The following PDE3B variants were observed in gnomAD, a reference collection of about 807,000 sequenced individuals.
PDE3B encodes cGMP-inhibited 3',5'-cyclic phosphodiesterase 3B.
Under a neutral mutation model 116.8 loss-of-function variants are expected in PDE3B, and 66 were observed. That is an observed-to-expected ratio of 0.56 (90% CI 0.46 to 0.69). The LOEUF (loss-of-function observed/expected upper bound fraction) is 0.69, where lower values mean the gene tolerates loss of function less well. Ranked by LOEUF, PDE3B falls within the 30% of genes least tolerant of loss-of-function variation. The probability of loss-of-function intolerance (pLI) is 0.00; values close to 1 mark genes in which losing one functional copy is unlikely to be tolerated. For missense variants in PDE3B, 1,384 were observed against 1,368.1 expected (o/e 1.01, Z -0.18); for synonymous variants, 595 against 533.6 (o/e 1.12, Z -1.59).
chr11:14,775,532 A>G (rs1249433839), intron 2 of PDE3B: 1 of 152,000 alleles, frequency 6.6e-6, no homozygotes, highest in African/African-American at 2.4e-5. Flanking sequence ...TTTTGTCTGT[A>G]TATATAATTT....
At chr11:14,715,086 A>C (rs902298846) in intron 1 of PDE3B, among the ~76,000 whole-genome samples, 10 of 152,198 alleles carry the variant, frequency 6.6e-5, no homozygotes, top group African/African-American at 2.4e-4. Context: ...GAATGATAGG[A>C]AATGATCTAT....
intron 1 of PDE3B, among the ~76,000 whole-genome samples, chr11:14,688,144 C>CTCT (rs1854938554): frequency 5.1e-5 from 4 of 78,116 alleles, no homozygotes; most frequent in African/African-American, 1.2e-4. Context: ...TCTCTCTCTC[C>CTCT]CTCCCTCCCT....
At chr11:14,755,860 A>G (rs980962899) in intron 1 of PDE3B, among the ~76,000 whole-genome samples, 3 of 152,212 alleles carry the variant, frequency 2.0e-5, no homozygotes, top group Admixed American at 6.5e-5. Context: ...AAAGTTTGCT[A>G]ACTGTGAGCT....
At chr11:14,780,446 A>G (rs913309605) in intron 2 of PDE3B, among the ~76,000 whole-genome samples, 2 of 152,242 alleles carry the variant, frequency 1.3e-5, no homozygotes, top group African/African-American at 4.8e-5. Context: ...GTAAAAGAAC[A>G]GAAATTATAA....
chr11:14,832,114 C>T (rs550255542), intron 9 of PDE3B, among the ~76,000 whole-genome samples: 1 of 152,014 alleles, frequency 6.6e-6, no homozygotes, highest in Admixed American at 6.6e-5. Flanking sequence ...TCATTTTTTT[C>T]ACCTGCACTC....
At chr11:14,767,877 TA>T (rs1857539607) in intron 1 of PDE3B, among the ~76,000 whole-genome samples, 1 of 151,382 alleles carries the variant, frequency 6.6e-6, no homozygotes, top group Non-Finnish European at 1.5e-5. Flanking sequence ...TTTAAAATTT[TA>T]TGTTTTTAAA....
intron 1 of PDE3B, among the ~76,000 whole-genome samples, chr11:14,687,654 A>G (rs1020908113): frequency 1.3e-5 from 2 of 152,190 alleles, no homozygotes; most frequent in African/African-American, 2.4e-5. Flanking sequence ...CAACTGACCC[A>G]TAATTTGAGA....
At chr11:14,733,279 C>A (rs764342407) in intron 1 of PDE3B, among the ~76,000 whole-genome samples, 3 of 152,112 alleles carry the variant, frequency 2.0e-5, no homozygotes, top group Non-Finnish European at 2.9e-5. Flanking sequence ...GATATCTCAG[C>A]CCCTAGGATG....
intron 14 of PDE3B, 127 bp downstream of exon 14, chr11:14,861,493 T>C (rs1290115869): frequency 3.7e-6 from 3 of 819,844 alleles, no homozygotes; most frequent in South Asian, 1.7e-5. Context: ...GGGTTAAAAA[T>C]TGTTGCATTT....
At chr11:14,705,617 T>A (rs1248429310) in intron 1 of PDE3B, among the ~76,000 whole-genome samples, 1 of 151,788 alleles carries the variant, frequency 6.6e-6, no homozygotes, top group Non-Finnish European at 1.5e-5. Flanking sequence ...ACATTTTAAA[T>A]GGGTGTATGC....
chr11:14,673,233 A>G (rs987039173), intron 1 of PDE3B, among the ~76,000 whole-genome samples: 3 of 152,136 alleles, frequency 2.0e-5, no homozygotes, highest in Middle Eastern at 3.4e-3. Flanking sequence ...CTTTGGCACT[A>G]GGAATCAGAG....
At chr11:14,859,309 A>C in intron 13 of PDE3B, 63 bp downstream of exon 13, 1 of 1,098,748 alleles carries the variant, frequency 9.1e-7, no homozygotes. Context: ...CTGATAAAAT[A>C]TGTTTTTTAA....
At chr11:14,829,195 T>G (rs1293669971) in intron 7 of PDE3B, among the ~76,000 whole-genome samples, 1 of 151,920 alleles carries the variant, frequency 6.6e-6, no homozygotes, top group South Asian at 2.1e-4. Flanking sequence ...GAAAAACAAC[T>G]AATGGGTACT....
intron 1 of PDE3B, among the ~76,000 whole-genome samples, chr11:14,740,676 A>G (rs924664132): frequency 2.0e-5 from 3 of 151,916 alleles, no homozygotes; most frequent in Non-Finnish European, 2.9e-5. Flanking sequence ...CTTCTCTAGT[A>G]CTTTTAATTG....
the PDE3B span, chr11:14,892,316 T>G: frequency 9.5e-7 from 1 of 1,053,088 alleles, no homozygotes; most frequent in Non-Finnish European, 1.4e-6. Context: ...CCTAGCTCCG[T>G]GGCCATTGGC....
At chr11:14,775,924 C>T (rs1444593650) in intron 2 of PDE3B, 1 of 151,992 alleles carries the variant, frequency 6.6e-6, no homozygotes, top group East Asian at 2.0e-4. Flanking sequence ...ACTTTATATG[C>T]TCTGCATGTG....
In PDE3B at chr11:14,720,649, AC is replaced by A. The variant is rs1317636374; in HGVS notation, c.979-51286del. ...CCTACAACTATCTGATCTTTGACAA[AC>A]CTGAGAAAAACAAGCAATGGGGAAA... On this transcript the variant is annotated intron_variant, in intron 1 of 15. Transcript: ENST00000282096. 4.7e-3 allele frequency among the ~76,000 whole-genome samples: 25 copies of A among 5,354 alleles called. 4 individuals carry two copies. Among genetic ancestry groups the A allele is most frequent in the African/African-American group, 0.028 (24 of 868 alleles). The allele number at this position is 5,354 out of a possible 152,430, so 3.5% of individuals were successfully genotyped here. A position where few individuals can be genotyped will look rare whatever the true frequency, so the allele number is the denominator to read the frequency against.
chr11:14,718,820 G>A, intron 1 of PDE3B, among the ~76,000 whole-genome samples: 3 of 109,168 alleles, frequency 2.7e-5, no homozygotes, highest in Non-Finnish European at 3.8e-5. Flanking sequence ...GAGAAAGCAG[G>A]AAAGATCCAA....
At position 14,703,770 on chromosome 11, in the gene PDE3B, T is replaced by TTG. The variant is rs564139879; in HGVS notation, c.978+58736_978+58737dup. On this transcript the variant is annotated intron_variant, in intron 1 of 15. Transcript: ENST00000282096. ...AACTACCCAGTTTAGGCCCGGTTGT[T>TTG]TGTGTGTGTGTGTGTGTGTGAGACA... is the stretch of plus-strand genomic sequence containing the variant. 3.3e-3 allele frequency among the ~76,000 whole-genome samples: 495 copies of TTG among 149,358 alleles called. 2 individuals are homozygous for TTG. Among genetic ancestry groups the TTG allele is most frequent in the Middle Eastern group, 0.01 (3 of 294 alleles).
Sources: gnomAD v4.1 joint callset for allele counts (sites outside exome capture counted in the v4.1 genomes callset) on GRCh38, gnomAD v4.1.1 for gene constraint, MANE v1.5 for transcripts, NCBI Gene and HGNC (gene_info 2026-07-23, HGNC 2026-07-21) for gene names.